CCDC171: variants seen among roughly 807,000 people sequenced by gnomAD.
The protein encoded by CCDC171 is coiled-coil domain-containing protein 171.
In CCDC171, 177 loss-of-function variants were observed where a neutral mutation model predicts 168.2. That is an observed-to-expected ratio of 1.05 (90% CI 0.93 to 1.19). The LOEUF (loss-of-function observed/expected upper bound fraction) is 1.19. Among genes scored for constraint, CCDC171 ranks in the 50% most tolerant of loss-of-function variants. The pLI is 0.00. For missense variants in CCDC171, 1,991 were observed against 1,539.0 expected (o/e 1.29, Z -4.91); for synonymous variants, 687 against 540.8 (o/e 1.27, Z -3.75).
intron 25 of CCDC171, among the ~76,000 whole-genome samples, chr9:15,927,319 G>A (rs1172494266): frequency 6.6e-6 from 1 of 151,564 alleles, no homozygotes; most frequent in African/African-American, 2.4e-5. Context: ...TTTGAGTAAA[G>A]AGCTTTTGAG....
At chr9:16,040,456 C>G (rs556266794), upstream of CCDC171, among the ~76,000 whole-genome samples, 20 of 152,256 alleles carry the variant, frequency 1.3e-4, no homozygotes, top group Non-Finnish European at 2.2e-4. Flanking sequence ...CTGGGACGGC[C>G]CACCGCAGAG....
rs746141615 is a variant in CCDC171, at chr9:15,578,976, C to G, written c.305C>G (p.Ala102Gly). 16 of 1,613,808 alleles carry G rather than the reference C, an allele frequency of 9.9e-6. No homozygotes were observed. Among genetic ancestry groups the G allele is most frequent in the Non-Finnish European group, 1.4e-5 (16 of 1,179,908 alleles). Residue 102 changes from alanine to glycine, a missense_variant, in exon 4 of 26, where the codon GCT (alanine) becomes GGT (glycine). Ala to Gly is a moderately conservative substitution (Grantham distance 60). Coordinates refer to ENST00000380701, the MANE Select transcript of CCDC171 (RefSeq NM_173550.4). ...GAAGCTGGTCTTGGAAGACGGGCTG[C>G]TGAAGAAAGATTAGCCGAGGCACAT... is the stretch of plus-strand genomic sequence containing the variant. Reference protein sequence around the residue: ...RKEAGLGRRAAEERLAEAHRI... With the variant: ...RKEAGLGRRAGEERLAEAHRI...
intron 4 of CCDC171, among the ~76,000 whole-genome samples, chr9:15,590,424 T>G (rs1389709838): frequency 6.6e-6 from 1 of 152,198 alleles, no homozygotes; most frequent in Non-Finnish European, 1.5e-5. Flanking sequence ...AATCAGAGAA[T>G]CAGGGAGGTT....
chr9:16,084,124 G>T, the CCDC171 span, among the ~76,000 whole-genome samples: 4 of 152,298 alleles, frequency 2.6e-5, no homozygotes, highest in Admixed American at 2.6e-4. Context: ...AGCTATTAAC[G>T]TTTGAAATCT....
intron 21 of CCDC171, among the ~76,000 whole-genome samples, chr9:15,817,881 C>T (rs184681843): frequency 0.01 from 1,212 of 118,496 alleles, 357 homozygotes; most frequent in African/African-American, 0.035. Flanking sequence ...GATCTGAGAA[C>T]GGGCAGACTG....
Position 15,882,572 on chromosome 9 carries a change from G to A in CCDC171, c.3600+7909G>A, listed in dbSNP as rs371211849. On this transcript the variant is annotated intron_variant, in intron 24 of 25. Coordinates refer to ENST00000380701, the MANE Select transcript of CCDC171 (RefSeq NM_173550.4). ...TTGGAAAAACTTATTTTAAGGGCTT[G>A]TTGCAAAGTGAGATAACAATAGTGA... Among the ~76,000 whole-genome samples the A allele has an allele frequency of 1.5e-4, 23 of 152,268 alleles. 1 individual carries two copies. In the East Asian group the frequency reaches 2.1e-3, roughly 14 times the overall value.
At chr9:15,694,129 G>A (rs568785942) in intron 10 of CCDC171, among the ~76,000 whole-genome samples, 1 of 152,082 alleles carries the variant, frequency 6.6e-6, no homozygotes, top group South Asian at 2.1e-4. Context: ...ATCCCCTTCT[G>A]TTTTTCTTCT....
At chr9:15,754,653 A>G (rs1464974666) in intron 18 of CCDC171, among the ~76,000 whole-genome samples, 2 of 152,160 alleles carry the variant, frequency 1.3e-5, no homozygotes, top group African/African-American at 2.4e-5. Flanking sequence ...CCTGACTTTG[A>G]ATACTGGTTC....
chr9:15,843,127 A>G (rs1369998338), intron 21 of CCDC171, among the ~76,000 whole-genome samples: 8 of 151,992 alleles, frequency 5.3e-5, no homozygotes, highest in Admixed American at 3.9e-4. Context: ...GTTAAGTGAA[A>G]GCATTGGTTT....
chr9:15,812,897 T>C (rs2059416180), intron 21 of CCDC171, among the ~76,000 whole-genome samples: 1 of 152,214 alleles, frequency 6.6e-6, no homozygotes, highest in Non-Finnish European at 1.5e-5. Flanking sequence ...TTGCAGTTAA[T>C]AGGTTGCTGT....
chr9:15,864,478 C>G lies in CCDC171; in HGVS notation c.3469-10054C>G, dbSNP rs918605354. Among the ~76,000 whole-genome samples, 26 of 152,172 alleles carry G rather than the reference C, an allele frequency of 1.7e-4. No homozygotes were observed. The Middle Eastern group carries it at 0.014, about 80-fold the overall frequency. On this transcript the variant is annotated intron_variant, in intron 23 of 25. Transcript: ENST00000380701. ...TCCCCCCGCTCCCCGCACCCCACGACAGGCCCCAGTGTGTGATGTTCCACT... is the reference window on the plus strand; with the variant it reads ...TCCCCCCGCTCCCCGCACCCCACGAGAGGCCCCAGTGTGTGATGTTCCACT...
intron 25 of CCDC171, among the ~76,000 whole-genome samples, chr9:15,928,969 A>G (rs1208711361): frequency 6.6e-6 from 1 of 151,652 alleles, no homozygotes; most frequent in African/African-American, 2.4e-5. Context: ...CACTTTCATC[A>G]TGGTGACTAA....
chr9:15,581,572 C>A lies in CCDC171; in HGVS notation c.352+2549C>A, dbSNP rs186887556. Among the ~76,000 whole-genome samples the A allele has an allele frequency of 2.3e-4, 35 of 152,180 alleles. No homozygotes were observed. The East Asian group carries it at 5.8e-3, about 25-fold the overall frequency. On this transcript the variant is annotated intron_variant, in intron 4 of 25. Transcript: ENST00000380701. Reference sequence around the variant, plus strand: ...TAACCAAAACAACATGGTACTGATACCAAAACAGATATATAGACCAATGGA... The same window carrying A: ...TAACCAAAACAACATGGTACTGATAACAAAACAGATATATAGACCAATGGA...
intron 3 of CCDC171, among the ~76,000 whole-genome samples, chr9:16,007,536 G>C (rs998531575): frequency 1.3e-5 from 2 of 152,122 alleles, no homozygotes; most frequent in African/African-American, 4.8e-5. Context: ...GTATTTCATA[G>C]GTTTTCTTCT....
In CCDC171 at chr9:15,642,251, T is replaced by G. The variant is rs1415210502; in HGVS notation, c.823-14876T>G. ...ATAGGCAAAGCTGTATATAGTTAAA[T>G]TAACCTGTAGTATATATATGAACAT... is the stretch of plus-strand genomic sequence containing the variant. On this transcript the variant is annotated intron_variant, in intron 7 of 25. Coordinates refer to ENST00000380701, the MANE Select transcript of CCDC171 (RefSeq NM_173550.4). 2.7e-5 allele frequency among the ~76,000 whole-genome samples: 4 copies of G among 150,710 alleles called. 1 individual carries two copies. The highest frequency in any genetic ancestry group is 5.9e-5 in the Non-Finnish European group (4 of 67,774).
intron 24 of CCDC171, among the ~76,000 whole-genome samples, chr9:15,882,719 G>A (rs1034407690): frequency 6.6e-6 from 1 of 151,850 alleles, no homozygotes; most frequent in Non-Finnish European, 1.5e-5. Context: ...TCATGACTGG[G>A]AAAACTGCTT....
intron 12 of CCDC171, among the ~76,000 whole-genome samples, chr9:15,722,820 A>T (rs1386779364): frequency 6.6e-6 from 1 of 152,216 alleles, no homozygotes; most frequent in Admixed American, 6.5e-5. Context: ...TGACCATCGA[A>T]ATAATTAAAT....
intron 2 of CCDC171, 69 bp from the exon 3 acceptor site, chr9:15,571,555 A>G: frequency 1.6e-6 from 2 of 1,278,316 alleles, no homozygotes; most frequent in Non-Finnish European, 2.1e-6. Flanking sequence ...AGTTATCAAA[A>G]ATATCAGAAA....
downstream of CCDC171, among the ~76,000 whole-genome samples, chr9:15,974,712 CATAA>C (rs1831568544): frequency 6.6e-6 from 1 of 152,142 alleles, no homozygotes; most frequent in Admixed American, 6.6e-5. Flanking sequence ...AACTTAATGA[CATAA>C]ATAAATAACC....
Sources: gnomAD v4.1 joint callset for allele counts (sites outside exome capture counted in the v4.1 genomes callset) on GRCh38, gnomAD v4.1.1 for gene constraint, MANE v1.5 for transcripts, NCBI Gene and HGNC (gene_info 2026-07-23, HGNC 2026-07-21) for gene names.